P2RX4: variants seen among roughly 807,000 people sequenced by gnomAD.
P2RX4 encodes purinergic receptor P2X 4.
A neutral mutation model predicts 48.0 loss-of-function variants in P2RX4; 37 were observed. The ratio of observed to expected loss-of-function variants is 0.77; its 90% CI spans 0.59 to 1.01. The LOEUF is 1.01. Among genes scored for constraint, P2RX4 ranks in the 50% least tolerant of loss-of-function variants. The probability of loss-of-function intolerance (pLI) is 0.00; values close to 1 mark genes in which losing one functional copy is unlikely to be tolerated. For missense variants in P2RX4, 501 were observed against 521.4 expected, an observed-to-expected ratio of 0.96 and a Z score of 0.38; for synonymous variants, 200 against 199.7, an observed-to-expected ratio of 1.00 and a Z score of -0.01.
In P2RX4 at chr12:121,233,031, G is replaced by A. The variant is rs1197961096; in HGVS notation, c.1079G>A (p.Cys360Tyr). 3.1e-6 allele frequency: 5 copies of A among 1,613,922 alleles called. No individual in the cohort carries two copies. The highest frequency in any genetic ancestry group is 1.7e-5 in the Admixed American group (1 of 60,014). The change falls in exon 11 of 12, where the codon TGC becomes TAC. Residue 360 changes from cysteine (C) to tyrosine (Y), a missense_variant. By Grantham distance (194) the Cys-to-Tyr change is radical (BLOSUM62 -2). Around this residue, in one of 3 missense-constraint regions of P2RX4, gnomAD observed 197 missense variants for 219.5 expected, o/e 0.90. Transcript: ENST00000337233. The part of the protein sequence containing the change: ...TVLCDIIVLY[C>Y]MKKRLYYREK... ...CTGTGTGACATCATAGTCCTCTACT[G>A]CATGAAGAAAAGACTCTACTATCGG...
rs147410500 is a variant in P2RX4 at position 121,232,422 on chromosome 12, A to G, written c.893A>G (p.Lys298Arg). ...ATCCTCCTTCCCCTCAGGTTTGCCA[A>G]GTACTACAGAGACCTGGCTGGCAAC... ...VSPGYNFRFA[K>R]YYRDLAGNEQ... is the part of the protein sequence containing the mutation. Residue 298 changes from lysine (K) to arginine (R), a missense_variant, in exon 9 of 12, where the codon AAG (lysine) becomes AGG (arginine). Around this residue, in one of 3 missense-constraint regions of P2RX4, gnomAD observed 197 missense variants for 219.5 expected, o/e 0.90. Transcript: ENST00000337233. The surrounding 1 kb of genome is among the most constrained non-coding windows in gnomAD (Gnocchi z 4.3). 1.2e-6 allele frequency: 2 copies of G among 1,612,766 alleles called. No individual in the cohort carries two copies. Among genetic ancestry groups the G allele is most frequent in the Non-Finnish European group, 1.7e-6 (2 of 1,178,840 alleles).
chr12:121,233,396 G>A, intron 11 of P2RX4, 127 bp from the exon 12 acceptor site: 1 of 940,684 alleles, frequency 1.1e-6, no homozygotes, highest in Non-Finnish European at 1.7e-6. Flanking sequence ...GGAACAGGAA[G>A]GGTTGGGTTC....
intron 5 of P2RX4, 148 bp from the exon 6 acceptor site, chr12:121,228,385 A>AT (rs1380375208): frequency 0.013 from 1,516 of 120,336 alleles, 22 homozygotes; most frequent in African/African-American, 0.035. Context: ...AAAAAAAAAA[A>AT]ATATATATAT....
At chr12:121,221,166 T>TG (rs1886576985) in intron 2 of P2RX4, among the ~76,000 whole-genome samples, 3 of 100,860 alleles carry the variant, frequency 3.0e-5, no homozygotes, top group African/African-American at 1.1e-4. Flanking sequence ...CTGTGTGTGT[T>TG]TGTGTGTGTG....
intron 11 of P2RX4, chr12:121,233,318 T>C (rs1240286335): frequency 3.1e-6 from 2 of 645,926 alleles, no homozygotes; most frequent in Non-Finnish European, 5.5e-6. Context: ...GAGCGACATC[T>C]CAGGTTGGTG....
At chr12:121,220,788 T>TC (rs1886544804) in intron 2 of P2RX4, among the ~76,000 whole-genome samples, 3 of 152,266 alleles carry the variant, frequency 2.0e-5, no homozygotes, top group Middle Eastern at 3.4e-3. Context: ...ACACAACCAC[T>TC]CCCCATTCCC....
chr12:121,217,786 AAG>A lies in P2RX4; in HGVS notation c.282+507_282+508del, dbSNP rs1220132816. On this transcript the variant is annotated intron_variant, in intron 2 of 11. Coordinates refer to ENST00000337233, the MANE Select transcript of P2RX4 (RefSeq NM_002560.3). ...ATAAAAAAAAAAAAAAAGAAAAAAA[AAG>A]AAAAGAATTAGAGACCATTAGAGAC... 4.6e-3 allele frequency among the ~76,000 whole-genome samples: 536 copies of A among 115,756 alleles called. 2 individuals carry two copies. The highest frequency in any genetic ancestry group is 7.7e-3 in the Non-Finnish European group (418 of 54,266). 75.9% of individuals were successfully genotyped at this position (115,756 alleles called of 152,430 possible).
At chr12:121,210,545 C>T (rs527426193) in intron 1 of P2RX4, among the ~76,000 whole-genome samples, 28 of 152,288 alleles carry the variant, frequency 1.8e-4, no homozygotes, top group Admixed American at 7.2e-4. Context: ...TTTGGGAGCC[C>T]GAGGCGGGAC....
chr12:121,233,700 T>C lies in P2RX4; in HGVS notation c.*151T>C. 1 of 1,515,826 alleles carries C rather than the reference T, an allele frequency of 6.6e-7. No individual in the cohort carries two copies. Among genetic ancestry groups the C allele is most frequent in the East Asian group, 2.5e-5 (1 of 40,586 alleles). The allele number at this position is 1,515,826 out of a possible 1,614,324, so 93.9% of individuals were successfully genotyped here. A position where few individuals can be genotyped will look rare whatever the true frequency, so the allele number is the denominator to read the frequency against. On this transcript the variant is annotated 3_prime_UTR_variant, in exon 12 of 12. Transcript: ENST00000337233. ...ACTCAGGGTTCCCCAGCAGCTCCTGTGTGTTGTGTGCAGGATCTGTTTGCC... is the reference window on the plus strand; with the variant it reads ...ACTCAGGGTTCCCCAGCAGCTCCTGCGTGTTGTGTGCAGGATCTGTTTGCC...
At position 121,220,227 on chromosome 12, in the gene P2RX4, G is replaced by GT. The variant is rs1360784205; in HGVS notation, c.283-1681dup. ...TGAGATAATCTGGTTGGCAGGGAAT[G>GT]TTTTTAGCACTTGTTGGCTCTTTCC... On this transcript the variant is annotated intron_variant, in intron 2 of 11. Coordinates refer to ENST00000337233, the MANE Select transcript of P2RX4 (RefSeq NM_002560.3). Among the ~76,000 whole-genome samples the GT allele has an allele frequency of 2.0e-5, 3 of 152,200 alleles. No individual in the cohort carries two copies. In the East Asian group the frequency reaches 5.8e-4, roughly 29 times the overall value.
At chr12:121,216,131 T>A (rs1886213396) in intron 1 of P2RX4, 1 of 152,230 alleles carries the variant, frequency 6.6e-6, no homozygotes, top group African/African-American at 2.4e-5. Flanking sequence ...AAAAATCTCA[T>A]AACGTTTTAA....
chr12:121,222,868 C>T, intron 4 of P2RX4, 79 bp from the exon 5 acceptor site: 2 of 1,408,028 alleles, frequency 1.4e-6, no homozygotes, highest in Non-Finnish European at 2.0e-6. Context: ...GGATGGGGCT[C>T]TCACTCCCTA....
At chr12:121,221,148 GCGTGTGTCTGTGTGTGTT>G (rs1185395793) in intron 2 of P2RX4, among the ~76,000 whole-genome samples, 2,796 of 125,904 alleles carry the variant, frequency 0.022, 108 homozygotes, top group African/African-American at 0.074. Flanking sequence ...TTTTGTGTGT[GCGTGTGTCTGTGTGTGTT>G]TGTGTGTGTG....
intron 2 of P2RX4, among the ~76,000 whole-genome samples, chr12:121,219,922 T>C (rs891302730): frequency 2.0e-5 from 3 of 152,112 alleles, no homozygotes; most frequent in African/African-American, 7.2e-5. Context: ...GAGAGGAGGA[T>C]CCAACTAGAA....
rs372977078 is a variant in P2RX4 at position 121,229,916 on chromosome 12, A to T, written c.884+817A>T. On this transcript the variant is annotated intron_variant, in intron 8 of 11. Transcript: ENST00000337233. The surrounding 1 kb of genome is among the most constrained non-coding windows in gnomAD (Gnocchi z 4.6). ...AATTTAGGGCCCACCCTACTCTAGT[A>T]TGACCTCATCTTAACAAATTACGTC... Among the ~76,000 whole-genome samples, 10 of 152,284 alleles carry T rather than the reference A, an allele frequency of 6.6e-5. No homozygotes were observed. The South Asian group carries it at 8.3e-4, about 13-fold the overall frequency.
Position 121,232,004 on chromosome 12 carries a change from C to CAAAAAAA in P2RX4, c.885-397_885-391dup, listed in dbSNP as rs34995184. The stretch of plus-strand genomic sequence containing the variant: ...CTGGCAACAGAGGGAGACTCCATCT[C>CAAAAAAA]AAAAAAAAAAAAAAAAAAAGTCCCT... On this transcript the variant is annotated intron_variant, in intron 8 of 11. Transcript: ENST00000337233. The surrounding 1 kb of genome is among the most constrained non-coding windows in gnomAD (Gnocchi z 4.3). Among the ~76,000 whole-genome samples, 1 of 94,454 alleles carries CAAAAAAA rather than the reference C, an allele frequency of 1.1e-5. No individual in the cohort carries two copies. Among genetic ancestry groups the CAAAAAAA allele is most frequent in the Non-Finnish European group, 2.0e-5 (1 of 49,316 alleles). The allele number at this position is 94,454 out of a possible 152,430, so 62.0% of individuals were successfully genotyped here. A position where few individuals can be genotyped will look rare whatever the true frequency, so the allele number is the denominator to read the frequency against.
chr12:121,223,714 G>A (rs775442118), intron 5 of P2RX4, among the ~76,000 whole-genome samples: 1 of 152,192 alleles, frequency 6.6e-6, no homozygotes, highest in African/African-American at 2.4e-5. Flanking sequence ...GTGCACAGCG[G>A]GGGGGCAGTG....
At chr12:121,222,300 G>A (rs1886673819) in intron 4 of P2RX4, 134 bp downstream of exon 4, 1 of 682,318 alleles carries the variant, frequency 1.5e-6, no homozygotes, top group South Asian at 1.6e-5. Flanking sequence ...CTGGGGTCCT[G>A]GAGCCCCTCT....
chr12:121,226,025 C>A (rs1886955723), intron 5 of P2RX4, among the ~76,000 whole-genome samples: 1 of 151,878 alleles, frequency 6.6e-6, no homozygotes, highest in South Asian at 2.1e-4. Flanking sequence ...CACAGGGGCG[C>A]ACCACCATGC....
Sources: gnomAD v4.1 joint callset for allele counts (sites outside exome capture counted in the v4.1 genomes callset) on GRCh38, gnomAD v4.1.1 for gene constraint, gnomAD v4.1.1 regional missense constraint, Gnocchi (gnomAD v3.1) non-coding constraint, MANE v1.5 for transcripts, NCBI Gene and HGNC (gene_info 2026-07-23, HGNC 2026-07-21) for gene names.